Variants in TBC1D5 observed in about 807,000 individuals in gnomAD.
The protein encoded by TBC1D5 is TBC1 domain family, member 5.
In TBC1D5, 75 loss-of-function variants were observed where a neutral mutation model predicts 100.3. The ratio of observed to expected loss-of-function variants is 0.75; its 90% CI spans 0.62 to 0.91. The LOEUF is 0.91. TBC1D5 is among the 40% of genes least tolerant of loss of function. TBC1D5 has a pLI of 0.00. For synonymous variants in TBC1D5, 323 were observed against 325.6 expected (o/e 0.99, Z 0.09); for missense variants, 910 against 942.4 (o/e 0.97, Z 0.45).
chr3:17,482,515 GA>G (rs1246346124), intron 3 of TBC1D5, among the ~76,000 whole-genome samples: 2 of 152,110 alleles, frequency 1.3e-5, no homozygotes, highest in Non-Finnish European at 1.5e-5. Flanking sequence ...ACTTTGAAAA[GA>G]TTTTCATGAA....
chr3:17,492,873 G>A (rs1401981819), intron 3 of TBC1D5, among the ~76,000 whole-genome samples: 1 of 151,948 alleles, frequency 6.6e-6, no homozygotes, highest in East Asian at 1.9e-4. Context: ...GCACTGATGG[G>A]TCTTGACTCT....
chr3:17,669,247 G>T (rs1016138977), intron 1 of TBC1D5, among the ~76,000 whole-genome samples: 2 of 152,116 alleles, frequency 1.3e-5, no homozygotes, highest in South Asian at 2.1e-4. Context: ...CACCATGATT[G>T]TAAGTTTCCT....
At chr3:17,466,625 T>C (rs758793554) in intron 3 of TBC1D5, among the ~76,000 whole-genome samples, 2 of 152,236 alleles carry the variant, frequency 1.3e-5, no homozygotes, top group Non-Finnish European at 2.9e-5. Flanking sequence ...GAGATACTTA[T>C]CCAATAGATA....
At chr3:17,400,628 T>C (rs1289330074) in intron 8 of TBC1D5, among the ~76,000 whole-genome samples, 2 of 152,076 alleles carry the variant, frequency 1.3e-5, no homozygotes, top group Admixed American at 1.3e-4. Flanking sequence ...GGTGTGTCTG[T>C]GAGGGTGTTG....
chr3:17,636,701 T>A (rs542098477), intron 1 of TBC1D5, among the ~76,000 whole-genome samples: 2 of 151,530 alleles, frequency 1.3e-5, no homozygotes, highest in Non-Finnish European at 2.9e-5. Flanking sequence ...CTAGGGAGGC[T>A]GAGGCAGGAG....
chr3:17,312,004 A>G (rs942397926), intron 13 of TBC1D5, among the ~76,000 whole-genome samples: 7 of 152,124 alleles, frequency 4.6e-5, no homozygotes, highest in Admixed American at 2.0e-4. Context: ...ATTAGTATTC[A>G]AGAAAAAGCA....
At chr3:17,716,805 G>A (rs12631291) in intron 1 of TBC1D5, among the ~76,000 whole-genome samples, 79,087 of 151,954 alleles carry the variant, frequency 0.52, 22,235 homozygotes, top group East Asian at 0.98. Context: ...GTAGAGCAGA[G>A]AGAATATCTA....
intron 4 of TBC1D5, among the ~76,000 whole-genome samples, chr3:17,415,288 GC>G (rs1032862438): frequency 4.6e-5 from 7 of 151,906 alleles, no homozygotes; most frequent in Admixed American, 2.0e-4. Flanking sequence ...TCCCCAGGTA[GC>G]TGGGACTACA....
At chr3:17,497,087 GACACACACACACACACACAC>G (rs71049202) in intron 3 of TBC1D5, among the ~76,000 whole-genome samples, 15 of 128,990 alleles carry the variant, frequency 1.2e-4, no homozygotes, top group Admixed American at 1.6e-4. Context: ...CTCTCTCTCT[GACACACACACACACACACAC>G]ACACACACAC....
intron 16 of TBC1D5, among the ~76,000 whole-genome samples, chr3:17,247,167 G>A (rs2149222310): frequency 6.6e-6 from 1 of 152,278 alleles, no homozygotes; most frequent in Non-Finnish European, 1.5e-5. Flanking sequence ...AGGCTTAGGT[G>A]AGCAGCTCTA....
At chr3:17,699,806 G>T (rs1394810891) in intron 1 of TBC1D5, among the ~76,000 whole-genome samples, 4 of 148,496 alleles carry the variant, frequency 2.7e-5, no homozygotes, top group African/African-American at 5.0e-5. Context: ...GGAGTACTGT[G>T]TCAAGGGAAA....
chr3:17,385,055 G>C (rs965664239), intron 8 of TBC1D5, among the ~76,000 whole-genome samples: 1 of 152,072 alleles, frequency 6.6e-6, no homozygotes. Flanking sequence ...AAAAGCCTGT[G>C]TTCAAATTCA....
intron 20 of TBC1D5, 111 bp downstream of exon 21, chr3:17,167,638 A>G: frequency 1.1e-6 from 1 of 903,050 alleles, no homozygotes; most frequent in South Asian, 1.5e-5. Flanking sequence ...GTCTGGGAGG[A>G]AATGAGGGTT....
chr3:17,713,645 T>G (rs922585286), intron 1 of TBC1D5, among the ~76,000 whole-genome samples: 1 of 152,142 alleles, frequency 6.6e-6, no homozygotes, highest in African/African-American at 2.4e-5. Context: ...TATATGAGAC[T>G]TGTATCTAGA....
In TBC1D5 at chr3:17,291,584, G is replaced by A. The variant is rs374327885; in HGVS notation, c.1245+311C>T. 1.3e-4 allele frequency among the ~76,000 whole-genome samples: 20 copies of A among 152,300 alleles called. No individual in the cohort carries two copies. In the East Asian group the frequency reaches 2.5e-3, roughly 19 times the overall value. On this transcript the variant is annotated intron_variant, in intron 15 of 21. Coordinates refer to ENST00000253692, the Ensembl canonical transcript of TBC1D5. ...TGTGTGGGGTACCAATGACAATACA[G>A]TTTGGCTGTAAGGAGAGGTAGTTCC...
At chr3:17,498,337 G>A (rs1309792612) in intron 3 of TBC1D5, among the ~76,000 whole-genome samples, 2 of 152,114 alleles carry the variant, frequency 1.3e-5, no homozygotes, top group Non-Finnish European at 2.9e-5. Flanking sequence ...TCCAGCCAAA[G>A]TATACAGTAA....
At chr3:17,533,598 A>G (rs915639577) in intron 2 of TBC1D5, among the ~76,000 whole-genome samples, 1 of 152,194 alleles carries the variant, frequency 6.6e-6, no homozygotes, top group African/African-American at 2.4e-5. Flanking sequence ...GCTGGTCATA[A>G]GATTGGATTG....
chr3:17,208,913 T>G (rs2072590132), intron 18 of TBC1D5, among the ~76,000 whole-genome samples: 1 of 152,222 alleles, frequency 6.6e-6, no homozygotes. Flanking sequence ...CAATACATTC[T>G]ACTTTGCTGT....
chr3:17,191,671 C>T (rs1231437631), intron 18 of TBC1D5, among the ~76,000 whole-genome samples: 1 of 152,068 alleles, frequency 6.6e-6, no homozygotes, highest in Non-Finnish European at 1.5e-5. Flanking sequence ...GGCTGGAGTG[C>T]AGTGGTGTGA....
Sources: allele counts gnomAD v4.1 joint callset (sites outside exome capture counted in the v4.1 genomes callset), GRCh38; gene constraint gnomAD v4.1.1; transcripts MANE v1.5; gene names NCBI Gene and HGNC (gene_info 2026-07-23, HGNC 2026-07-21).